The following MIS18A variants were observed in gnomAD, a reference collection of about 807,000 sequenced individuals.
MIS18A encodes the protein protein Mis18-alpha.
Under a neutral mutation model 25.0 loss-of-function variants are expected in MIS18A, and 14 were observed. The observed-to-expected ratio is 0.56, with a 90% CI of 0.37 to 0.88. The LOEUF (loss-of-function observed/expected upper bound fraction) is 0.88, where lower values mean the gene tolerates loss of function less well. Among genes scored for constraint, MIS18A ranks in the 40% least tolerant of loss-of-function variants. The pLI is 0.00. For missense variants in MIS18A, 292 were observed against 290.8 expected, an observed-to-expected ratio of 1.00 and a Z score of -0.03; for synonymous variants, 134 against 118.6, an observed-to-expected ratio of 1.13 and a Z score of -0.84.
chr21:32,170,750 G>C, the MIS18A span, among the ~76,000 whole-genome samples: 1 of 151,826 alleles, frequency 6.6e-6, no homozygotes. Flanking sequence ...ACTAGTGAAC[G>C]AAATCAAGCA....
the MIS18A span, among the ~76,000 whole-genome samples, chr21:32,248,662 T>A: frequency 2.0e-5 from 3 of 152,334 alleles, no homozygotes; most frequent in Non-Finnish European, 4.4e-5. Flanking sequence ...AGGCTTTCAG[T>A]GGAACCCTTG....
At chr21:32,186,590 A>C in the MIS18A span, among the ~76,000 whole-genome samples, 1 of 152,244 alleles carries the variant, frequency 6.6e-6, no homozygotes, top group Non-Finnish European at 1.5e-5. Flanking sequence ...AGTTGCAGAT[A>C]AAATAAAGAA....
At position 32,278,496 on chromosome 21, in the gene MIS18A, G is replaced by A. The variant is rs1028554943; in HGVS notation, c.334+185C>T. On this transcript the variant is annotated intron_variant, in intron 1 of 4. Transcript: ENST00000290130. The stretch of plus-strand genomic sequence containing the variant: ...GACCCCAGAAAAGAACCCACCGCCC[G>A]AGAGCCAAAGTGGAGGGGTGACCCT... 8 of 619,530 alleles carry A rather than the reference G, an allele frequency of 1.3e-5. No individual in the cohort carries two copies. In the Admixed American group the frequency reaches 2.4e-4, roughly 18 times the overall value. 38.4% of individuals were successfully genotyped at this position (619,530 alleles called of 1,614,324 possible). A position where few individuals can be genotyped will look rare whatever the true frequency, so the allele number is the denominator to read the frequency against.
rs371213136 is a variant in MIS18A, at chr21:32,278,775, C to T, written c.240G>A (p.Pro80=). 2 of 1,580,056 alleles carry T rather than the reference C, an allele frequency of 1.3e-6. No homozygotes were observed. Among genetic ancestry groups the T allele is most frequent in the Admixed American group, 1.8e-5 (1 of 55,466 alleles). The change falls in exon 1 of 5, where the codon CCG becomes CCA. Residue 80 remains proline, a synonymous_variant. Transcript: ENST00000290130. ...GGCAGCCGGAGCACAGGAACACCAG[C>T]GGCCTCTCCTCCGCAGCCGCCGCCT... ...EEEAAAAEER[P]LVFLCSGCRR...
In MIS18A at chr21:32,270,400, A is replaced by C; in HGVS notation, c.524+7T>G. 6.2e-7 allele frequency: 1 copy of C among 1,613,900 alleles called. No individual in the cohort carries two copies. Among genetic ancestry groups the C allele is most frequent in the Non-Finnish European group, 8.5e-7 (1 of 1,179,932 alleles). The stretch of plus-strand genomic sequence containing the variant: ...TTGTGAGGTAAACATTTATATATCA[A>C]ACTTACCTTTCAATGGCTTCAACAC... On this transcript the variant is annotated splice_region_variant and intron_variant, in intron 3 of 4. Transcript: ENST00000290130.
the MIS18A span, among the ~76,000 whole-genome samples, chr21:32,234,172 A>T: frequency 6.6e-6 from 1 of 152,342 alleles, no homozygotes; most frequent in South Asian, 2.1e-4. Context: ...TCTTTCTAAT[A>T]TTCTTGCAAC....
chr21:32,239,022 T>A, the MIS18A span, among the ~76,000 whole-genome samples: 1 of 152,234 alleles, frequency 6.6e-6, no homozygotes, highest in East Asian at 1.9e-4. Flanking sequence ...TCTTTAGAAT[T>A]TCAATTGTGT....
At chr21:32,218,192 C>CAAAAAAAAAAAAAAAAAAA in the MIS18A span, among the ~76,000 whole-genome samples, 5 of 56,372 alleles carry the variant, frequency 8.9e-5, no homozygotes, top group African/African-American at 1.4e-4. Flanking sequence ...GACTCCATCT[C>CAAAAAAAAAAAAAAAAAAA]AAAAAAAAAA....
chr21:32,168,563 T>G, the MIS18A span, among the ~76,000 whole-genome samples: 1 of 152,204 alleles, frequency 6.6e-6, no homozygotes, highest in South Asian at 2.1e-4. Flanking sequence ...GTGGTACAGT[T>G]TCTTATATTG....
At chr21:32,236,674 A>C in the MIS18A span, among the ~76,000 whole-genome samples, 1 of 152,088 alleles carries the variant, frequency 6.6e-6, no homozygotes, top group Admixed American at 6.6e-5. Context: ...GAACAGGTAA[A>C]GGGGTGGATA....
At chr21:32,228,431 G>C in the MIS18A span, among the ~76,000 whole-genome samples, 2 of 152,174 alleles carry the variant, frequency 1.3e-5, no homozygotes, top group Non-Finnish European at 2.9e-5. Flanking sequence ...TTCTGCCTAT[G>C]ATCAGGAATA....
the MIS18A span, among the ~76,000 whole-genome samples, chr21:32,163,587 G>A: frequency 6.6e-6 from 1 of 152,136 alleles, no homozygotes; most frequent in Non-Finnish European, 1.5e-5. Flanking sequence ...AGAAAAGTGG[G>A]AGATCCCCTC....
the MIS18A span, among the ~76,000 whole-genome samples, chr21:32,230,212 G>A: frequency 1.7e-3 from 263 of 152,234 alleles, 1 homozygote; most frequent in Middle Eastern, 0.017. Context: ...ATATTACAGT[G>A]TAACTGGTTG....
At chr21:32,241,704 GAC>G in the MIS18A span, among the ~76,000 whole-genome samples, 2 of 150,272 alleles carry the variant, frequency 1.3e-5, no homozygotes, top group African/African-American at 4.9e-5. Flanking sequence ...TGTAATAAAA[GAC>G]ACACATGTCA....
chr21:32,244,017 G>A, the MIS18A span, among the ~76,000 whole-genome samples: 4 of 152,082 alleles, frequency 2.6e-5, no homozygotes, highest in Admixed American at 6.5e-5. Flanking sequence ...CCACCCAGAT[G>A]TCCATCATCA....
the MIS18A span, among the ~76,000 whole-genome samples, chr21:32,222,000 T>G: frequency 1.3e-5 from 2 of 151,676 alleles, no homozygotes; most frequent in African/African-American, 2.4e-5. Flanking sequence ...GACTGGCAAA[T>G]TGGATAAAGA....
chr21:32,195,856 C>T, the MIS18A span, among the ~76,000 whole-genome samples: 2 of 151,898 alleles, frequency 1.3e-5, no homozygotes, highest in Non-Finnish European at 2.9e-5. Context: ...CTTGTCTCTA[C>T]TAAAAATACA....
the MIS18A span, among the ~76,000 whole-genome samples, chr21:32,187,569 T>A: frequency 0.15 from 22,811 of 152,100 alleles, 1,821 homozygotes; most frequent in East Asian, 0.25. Flanking sequence ...TTTCTGAGCA[T>A]CCACTCTGTG....
chr21:32,245,889 T>C, the MIS18A span, among the ~76,000 whole-genome samples: 2 of 152,122 alleles, frequency 1.3e-5, no homozygotes, highest in Non-Finnish European at 2.9e-5. Flanking sequence ...GACTGGGTAA[T>C]TTGTAAAGAA....
Sources: gnomAD v4.1 joint callset for allele counts (sites outside exome capture counted in the v4.1 genomes callset) on GRCh38, gnomAD v4.1.1 for gene constraint, MANE v1.5 for transcripts, NCBI Gene and HGNC (gene_info 2026-07-23, HGNC 2026-07-21) for gene names.